DPP10: variants seen among roughly 807,000 people sequenced by gnomAD.
The protein encoded by DPP10 is inactive dipeptidyl peptidase 10.
A neutral mutation model predicts 120.9 loss-of-function variants in DPP10; 33 were observed. The ratio of observed to expected loss-of-function variants is 0.27; its 90% CI spans 0.21 to 0.37. The LOEUF is 0.37. Ranked by LOEUF, DPP10 falls within the 10% of genes least tolerant of loss-of-function variation. The probability of loss-of-function intolerance (pLI) is 1.00; values close to 1 mark genes in which losing one functional copy is unlikely to be tolerated. For missense variants in DPP10, 816 were observed against 942.8 expected (o/e 0.87, Z 1.76); for synonymous variants, 337 against 326.1 (o/e 1.03, Z -0.36).
At chr2:114,765,160 CT>C (rs1680600788) in intron 1 of DPP10, among the ~76,000 whole-genome samples, 1 of 152,076 alleles carries the variant, frequency 6.6e-6, no homozygotes. Context: ...AAGTAGCTAC[CT>C]TTTGACCATT....
chr2:114,605,147 T>C (rs946698607), intron 1 of DPP10, among the ~76,000 whole-genome samples: 3 of 152,138 alleles, frequency 2.0e-5, no homozygotes, highest in African/African-American at 7.2e-5. Flanking sequence ...GTCATTGCTA[T>C]GGATTGATGT....
chr2:115,211,365 C>T (rs2056500812), intron 1 of DPP10, among the ~76,000 whole-genome samples: 1 of 151,720 alleles, frequency 6.6e-6, no homozygotes, highest in East Asian at 1.9e-4. Flanking sequence ...TGAGACAAAA[C>T]ATGGAAGTCA....
chr2:115,167,515 G>A (rs2052981523), intron 1 of DPP10, among the ~76,000 whole-genome samples: 2 of 151,458 alleles, frequency 1.3e-5, no homozygotes, highest in African/African-American at 2.4e-5. Flanking sequence ...GCTGCGGTGG[G>A]AGGATTGCTT....
chr2:115,529,748 A>G (rs527564963), intron 5 of DPP10, among the ~76,000 whole-genome samples: 1 of 152,174 alleles, frequency 6.6e-6, no homozygotes, highest in African/African-American at 2.4e-5. Context: ...CTAGAAGAAC[A>G]ATTTTTACTA....
At chr2:115,797,465 T>C (rs10195136) in intron 19 of DPP10, among the ~76,000 whole-genome samples, 8,940 of 152,134 alleles carry the variant, frequency 0.059, 933 homozygotes, top group African/African-American at 0.2. Flanking sequence ...ATAGTACATA[T>C]ACCGTCTGAT....
intron 1 of DPP10, among the ~76,000 whole-genome samples, chr2:115,134,879 G>A (rs1342476383): frequency 6.6e-6 from 1 of 152,108 alleles, no homozygotes; most frequent in Non-Finnish European, 1.5e-5. Flanking sequence ...CTTTACATCA[G>A]ATTAAAGAAG....
At chr2:115,086,386 A>C (rs944864236) in intron 1 of DPP10, among the ~76,000 whole-genome samples, 4 of 152,044 alleles carry the variant, frequency 2.6e-5, no homozygotes, top group Middle Eastern at 3.2e-3. Context: ...ATAGCCTGGA[A>C]GCCACCCCCC....
At chr2:115,832,399 A>C (rs1293852218) in intron 21 of DPP10, among the ~76,000 whole-genome samples, 1 of 152,172 alleles carries the variant, frequency 6.6e-6, no homozygotes, top group Admixed American at 6.5e-5. Flanking sequence ...CGGAAGTGGG[A>C]GGTCTGCTTA....
chr2:115,378,472 T>C lies in DPP10; in HGVS notation c.271+34560T>C, dbSNP rs191851310. On this transcript the variant is annotated intron_variant, in intron 3 of 25. Coordinates refer to ENST00000410059, the MANE Select transcript of DPP10 (RefSeq NM_020868.6). ...TTTGGGCTGAGACAATGGGGTTTTC[T>C]AGATATAGAATCATGTCATCTGCAA... Among the ~76,000 whole-genome samples, 588 of 152,014 alleles carry C rather than the reference T, an allele frequency of 3.9e-3. 3 individuals are homozygous for C. Among genetic ancestry groups the C allele is most frequent in the African/African-American group, 9.4e-3 (388 of 41,282 alleles).
At chr2:115,457,161 T>C (rs2073624121) in intron 3 of DPP10, among the ~76,000 whole-genome samples, 1 of 151,766 alleles carries the variant, frequency 6.6e-6, no homozygotes, top group African/African-American at 2.4e-5. Flanking sequence ...GGCAATTCAA[T>C]GAAGGAAAGA....
At chr2:114,864,065 A>G (rs1288894893) in intron 1 of DPP10, among the ~76,000 whole-genome samples, 1 of 152,242 alleles carries the variant, frequency 6.6e-6, no homozygotes, top group African/African-American at 2.4e-5. Flanking sequence ...ACATTTTTGA[A>G]GAAATGCAAT....
chr2:115,839,345 T>C (rs990614937), intron 24 of DPP10, among the ~76,000 whole-genome samples: 3 of 152,188 alleles, frequency 2.0e-5, no homozygotes, highest in African/African-American at 7.2e-5. Flanking sequence ...GCTTAAACTA[T>C]TGATAAGGCT....
chr2:114,549,663 CAAAAAA>C (rs869226518), intron 1 of DPP10, among the ~76,000 whole-genome samples: 6 of 76,492 alleles, frequency 7.8e-5, no homozygotes, highest in African/African-American at 3.1e-4. Flanking sequence ...TGTGTGTCAA[CAAAAAA>C]AAAAAAAAAA....
At chr2:114,628,981 A>G (rs1478536114) in intron 1 of DPP10, among the ~76,000 whole-genome samples, 2 of 152,166 alleles carry the variant, frequency 1.3e-5, no homozygotes, top group Non-Finnish European at 2.9e-5. Context: ...AAGAGGAAAC[A>G]TGAGAATTTA....
chr2:115,165,684 C>T (rs1423973292), intron 1 of DPP10, among the ~76,000 whole-genome samples: 1 of 152,102 alleles, frequency 6.6e-6, no homozygotes, highest in African/African-American at 2.4e-5. Context: ...GTCAATCAGA[C>T]AAGGTTTAGA....
intron 5 of DPP10, among the ~76,000 whole-genome samples, chr2:115,668,389 C>G (rs2089624909): frequency 6.6e-6 from 1 of 152,082 alleles, no homozygotes; most frequent in Non-Finnish European, 1.5e-5. Context: ...TCACTTTTCT[C>G]TCTGTCTTAC....
chr2:115,480,983 G>A (rs1241640782), intron 3 of DPP10, among the ~76,000 whole-genome samples: 1 of 152,128 alleles, frequency 6.6e-6, no homozygotes, highest in African/African-American at 2.4e-5. Context: ...CAGGTGGCTT[G>A]AATTAAATAT....
intron 12 of DPP10, among the ~76,000 whole-genome samples, chr2:115,765,769 A>G (rs563445453): frequency 6.6e-6 from 1 of 152,310 alleles, no homozygotes; most frequent in East Asian, 1.9e-4. Flanking sequence ...TGACTTTATT[A>G]TAGTTGAAAG....
chr2:115,557,951 T>TG (rs1261821169), intron 5 of DPP10, among the ~76,000 whole-genome samples: 1 of 152,324 alleles, frequency 6.6e-6, no homozygotes, highest in East Asian at 1.9e-4. Context: ...ACAAAACACA[T>TG]GGACTTACAT....
Sources: gnomAD v4.1 joint callset for allele counts (sites outside exome capture counted in the v4.1 genomes callset) on GRCh38, gnomAD v4.1.1 for gene constraint, MANE v1.5 for transcripts, NCBI Gene and HGNC (gene_info 2026-07-23, HGNC 2026-07-21) for gene names.